GATA4: variants seen among roughly 807,000 people sequenced by gnomAD.
GATA4 encodes GATA binding protein 4, also known as transcription factor GATA-4.
GATA4 carries 7 observed loss-of-function variants against 37.9 expected under a neutral mutation model. That is an observed-to-expected ratio of 0.18 (90% CI 0.11 to 0.35). The LOEUF (loss-of-function observed/expected upper bound fraction) is 0.35. GATA4 is among the 10% of genes least tolerant of loss of function. GATA4 has a pLI of 1.00. For synonymous variants in GATA4, 372 were observed against 292.6 expected (o/e 1.27, Z -2.77); for missense variants, 647 against 653.0 (o/e 0.99, Z 0.10).
chr8:11,682,269 C>T (rs185423086), intron 1 of GATA4, among the ~76,000 whole-genome samples: 1 of 152,272 alleles, frequency 6.6e-6, no homozygotes, highest in East Asian at 1.9e-4. Context: ...TTGTAGCTTC[C>T]ACTAACTCTA....
chr8:11,690,409 T>C (rs1799272831), upstream of GATA4, among the ~76,000 whole-genome samples: 1 of 152,210 alleles, frequency 6.6e-6, no homozygotes, highest in Non-Finnish European at 1.5e-5. Flanking sequence ...AAATATAAGA[T>C]TTCTGCCTTC....
At chr8:11,744,664 G>T (rs539714905) in intron 2 of GATA4, among the ~76,000 whole-genome samples, 1 of 152,346 alleles carries the variant, frequency 6.6e-6, no homozygotes, top group Admixed American at 6.5e-5. Flanking sequence ...GGTAATAATT[G>T]TTTAAAAATA....
chr8:11,752,922 G>GTTAA (rs1262681452), intron 4 of GATA4, among the ~76,000 whole-genome samples: 1 of 152,144 alleles, frequency 6.6e-6, no homozygotes, highest in East Asian at 1.9e-4. Context: ...AAGGAAAATG[G>GTTAA]TTAAACTATT....
chr8:11,734,826 G>A (rs1310020033), intron 2 of GATA4, among the ~76,000 whole-genome samples: 1 of 152,164 alleles, frequency 6.6e-6, no homozygotes, highest in Non-Finnish European at 1.5e-5. Flanking sequence ...TCCCATTCAT[G>A]AGGGCTCCGT....
chr8:11,706,047 TCTTTAA>T (rs1799876006), intron 1 of GATA4: 1 of 152,210 alleles, frequency 6.6e-6, no homozygotes, highest in Non-Finnish European at 1.5e-5. Context: ...AACCCATAAT[TCTTTAA>T]CTTTATTTTC....
chr8:11,708,540 T>C lies in GATA4; in HGVS notation c.228T>C (p.Ser76=). ...GCGGCAGCTCCGGTGGGGCCGCGTC[T>C]GGTGCGGGGCCCGGGACCCAGCAGG... ...ASGGSSGGAA[S]GAGPGTQQGS... The change falls in exon 2 of 7, where the codon TCT becomes TCC. Residue 76 remains serine (S), a synonymous_variant. Transcript: ENST00000532059. The surrounding 1 kb of genome is among the most constrained non-coding windows in gnomAD (Gnocchi z 6.7). The C allele has an allele frequency of 7.0e-7, 1 of 1,436,114 alleles. No individual in the cohort carries two copies. The allele number at this position is 1,436,114 out of a possible 1,614,324, so 89.0% of individuals were successfully genotyped here. A position where few individuals can be genotyped will look rare whatever the true frequency, so the allele number is the denominator to read the frequency against.
At chr8:11,756,383 C>G (rs1358637138) in intron 5 of GATA4, 1 of 177,440 alleles carries the variant, frequency 5.6e-6, no homozygotes, top group Non-Finnish European at 1.2e-5. Context: ...CCCTATGTCC[C>G]CTGGGTAACC....
At chr8:11,722,877 G>A (rs879748268) in intron 2 of GATA4, among the ~76,000 whole-genome samples, 1 of 152,178 alleles carries the variant, frequency 6.6e-6, no homozygotes, top group Non-Finnish European at 1.5e-5. Flanking sequence ...ATAGCAACAA[G>A]CACATTTTTA....
chr8:11,687,878 C>T (rs1010746797), upstream of GATA4, among the ~76,000 whole-genome samples: 1 of 152,166 alleles, frequency 6.6e-6, no homozygotes, highest in African/African-American at 2.4e-5. Context: ...TTTCATTTGG[C>T]AGGTGTTGCC....
At chr8:11,714,722 A>C (rs1800361796) in intron 2 of GATA4, among the ~76,000 whole-genome samples, 1 of 152,226 alleles carries the variant, frequency 6.6e-6, no homozygotes, top group Non-Finnish European at 1.5e-5. Flanking sequence ...CTAAGCACTC[A>C]GGTGGAATGA....
rs186510045 is a variant in GATA4 at position 11,717,730 on chromosome 8, C to T, written c.616+8802C>T. On this transcript the variant is annotated intron_variant, in intron 2 of 6. Coordinates refer to ENST00000532059, the MANE Select transcript of GATA4 (RefSeq NM_001308093.3). ...CAGGGTAGCTTCTTGTCTGAGTTTC[C>T]GTTTGCTTCCCACCAATCACTGTCT... Among the ~76,000 whole-genome samples, 87 of 152,330 alleles carry T rather than the reference C, an allele frequency of 5.7e-4. 1 individual carries two copies. The East Asian group carries it at 0.014, about 24-fold the overall frequency.
intron 2 of GATA4, among the ~76,000 whole-genome samples, chr8:11,740,410 C>G (rs1366328096): frequency 6.6e-6 from 1 of 152,246 alleles, no homozygotes; most frequent in Non-Finnish European, 1.5e-5. Context: ...GGTCACAGGG[C>G]TCCCATATTA....
chr8:11,748,432 A>G (rs1257072513), intron 2 of GATA4, among the ~76,000 whole-genome samples: 4 of 152,232 alleles, frequency 2.6e-5, no homozygotes, highest in African/African-American at 4.8e-5. Context: ...AAAGGATACA[A>G]TAGAACCAAA....
chr8:11,750,962 A>G (rs891252984), intron 4 of GATA4, among the ~76,000 whole-genome samples: 2 of 151,824 alleles, frequency 1.3e-5, no homozygotes, highest in Non-Finnish European at 1.5e-5. Context: ...AAATAAAAAT[A>G]TTAGATAATA....
At chr8:11,692,000 G>C, upstream of GATA4, 1 of 984,564 alleles carries the variant, frequency 1.0e-6, no homozygotes, top group Non-Finnish European at 1.2e-6. Flanking sequence ...TTCTCATTCA[G>C]GGAGACTGCT....
At chr8:11,693,522 A>AACACACACACAC (rs140439542) in intron 1 of GATA4, among the ~76,000 whole-genome samples, 1 of 109,962 alleles carries the variant, frequency 9.1e-6, no homozygotes, top group African/African-American at 3.9e-5. Context: ...ATTCAGCACA[A>AACACACACACAC]ACACACACAC....
upstream of GATA4, among the ~76,000 whole-genome samples, chr8:11,702,763 G>A (rs1189549151): frequency 1.3e-5 from 2 of 152,084 alleles, no homozygotes; most frequent in Non-Finnish European, 2.9e-5. The surrounding 1 kb of genome is among the most constrained non-coding windows in gnomAD (Gnocchi z 4.4). Context: ...GGCGGCTGCC[G>A]TGCGTCCAGC....
chr8:11,692,285 T>C (rs1016571969), upstream of GATA4, among the ~76,000 whole-genome samples: 13 of 152,340 alleles, frequency 8.5e-5, no homozygotes, highest in African/African-American at 2.9e-4. Context: ...TCACACCTTT[T>C]CAAGCACAGC....
chr8:11,699,049 T>G (rs1799589696), intron 1 of GATA4, among the ~76,000 whole-genome samples: 1 of 152,244 alleles, frequency 6.6e-6, no homozygotes, highest in South Asian at 2.1e-4. Context: ...CAGCCCTTTT[T>G]AAAATTTTAA....
Sources: gnomAD v4.1 joint callset for allele counts (sites outside exome capture counted in the v4.1 genomes callset) on GRCh38, gnomAD v4.1.1 for gene constraint, Gnocchi (gnomAD v3.1) non-coding constraint, MANE v1.5 for transcripts, NCBI Gene and HGNC (gene_info 2026-07-23, HGNC 2026-07-21) for gene names.